KCNJ6: variants seen among roughly 807,000 people sequenced by gnomAD.
The protein encoded by KCNJ6 is G protein-activated inward rectifier potassium channel 2.
KCNJ6 carries 9 observed loss-of-function variants against 34.2 expected under a neutral mutation model. The observed-to-expected ratio is 0.26, with a 90% confidence interval of 0.16 to 0.46. The LOEUF is 0.46. KCNJ6 is among the 20% of genes least tolerant of loss of function. The pLI is 1.00. For missense variants in KCNJ6, 236 were observed against 531.3 expected, an observed-to-expected ratio of 0.44 and a Z score of 5.46; for synonymous variants, 196 against 207.1, an observed-to-expected ratio of 0.95 and a Z score of 0.46.
chr21:37,892,528 G>A (rs2055767131), intron 1 of KCNJ6, among the ~76,000 whole-genome samples: 1 of 152,162 alleles, frequency 6.6e-6, no homozygotes, highest in East Asian at 1.9e-4. Context: ...GGAAATTTGG[G>A]ATACCTTTGG....
Position 37,728,546 on chromosome 21 carries a change from A to T in KCNJ6, c.26-13415T>A, listed in dbSNP as rs1264530966. Among the ~76,000 whole-genome samples, 4 of 152,228 alleles carry T rather than the reference A, an allele frequency of 2.6e-5. No individual in the cohort carries two copies. In the East Asian group the frequency reaches 7.7e-4, roughly 29 times the overall value. ...CAGCTTGTGACTGCATTCTTGTCTC[A>T]TTGCAGGAAGAGCTTACAAAGAGCT... On this transcript the variant is annotated intron_variant, in intron 2 of 3. Coordinates refer to ENST00000609713, the MANE Select transcript of KCNJ6 (RefSeq NM_002240.5).
At chr21:37,632,290 A>C (rs1025609954) in intron 3 of KCNJ6, among the ~76,000 whole-genome samples, 3 of 130,388 alleles carry the variant, frequency 2.3e-5, no homozygotes, top group African/African-American at 7.7e-5. Flanking sequence ...TCTAAATGTC[A>C]AAGAAGAAAC....
intron 3 of KCNJ6, among the ~76,000 whole-genome samples, chr21:37,707,995 C>T (rs1160142419): frequency 6.6e-6 from 1 of 152,022 alleles, no homozygotes; most frequent in African/African-American, 2.4e-5. Flanking sequence ...AGATGCTAGT[C>T]CAATTTTGTC....
chr21:37,886,262 G>A (rs2055735032), intron 1 of KCNJ6, among the ~76,000 whole-genome samples: 1 of 152,146 alleles, frequency 6.6e-6, no homozygotes, highest in East Asian at 1.9e-4. Flanking sequence ...CTCTGCACCA[G>A]AGGCCTGGGT....
intron 3 of KCNJ6, among the ~76,000 whole-genome samples, chr21:37,666,094 T>TG (rs1327074619): frequency 6.6e-6 from 1 of 152,192 alleles, no homozygotes; most frequent in East Asian, 1.9e-4. Context: ...TTAGAAGACA[T>TG]GGCTTGCACA....
At chr21:37,648,869 T>C (rs577805453) in intron 3 of KCNJ6, among the ~76,000 whole-genome samples, 454 of 152,196 alleles carry the variant, frequency 3.0e-3, no homozygotes, top group Non-Finnish European at 4.9e-3. Context: ...CGGTGGCTCA[T>C]GCCTGTAATC....
chr21:37,741,331 T>C (rs1241691494), intron 2 of KCNJ6, among the ~76,000 whole-genome samples: 2 of 152,166 alleles, frequency 1.3e-5, no homozygotes, highest in South Asian at 4.2e-4. Flanking sequence ...TGGTCTCTCA[T>C]GTCCTCTGGC....
At chr21:37,640,000 C>A (rs967284199) in intron 3 of KCNJ6, among the ~76,000 whole-genome samples, 1 of 152,210 alleles carries the variant, frequency 6.6e-6, no homozygotes, top group Non-Finnish European at 1.5e-5. Context: ...AATTAAACCT[C>A]TTTTCTTTAT....
intron 2 of KCNJ6, among the ~76,000 whole-genome samples, chr21:37,799,003 G>A (rs146545985): frequency 1.4e-4 from 22 of 152,102 alleles, no homozygotes; most frequent in Admixed American, 2.6e-4. Context: ...TTGTTGTACC[G>A]AATATTTTGT....
intron 1 of KCNJ6, among the ~76,000 whole-genome samples, chr21:37,897,586 A>G (rs185085538): frequency 1.3e-4 from 20 of 152,160 alleles, no homozygotes; most frequent in African/African-American, 4.6e-4. Flanking sequence ...CCATTTCCCC[A>G]AAGCAGACCT....
At chr21:37,856,789 C>G (rs1309566463) in intron 1 of KCNJ6, among the ~76,000 whole-genome samples, 1 of 152,106 alleles carries the variant, frequency 6.6e-6, no homozygotes, top group Non-Finnish European at 1.5e-5. Context: ...TGAGTGTAAA[C>G]TGCTTCCCCT....
chr21:37,911,426 C>G (rs1040701596), intron 1 of KCNJ6, among the ~76,000 whole-genome samples: 2 of 152,126 alleles, frequency 1.3e-5, no homozygotes, highest in Non-Finnish European at 2.9e-5. Flanking sequence ...AATCAATTAT[C>G]TTTTGGTACT....
chr21:37,721,626 G>C (rs563167107), intron 2 of KCNJ6, among the ~76,000 whole-genome samples: 2 of 152,328 alleles, frequency 1.3e-5, no homozygotes, highest in African/African-American at 4.8e-5. Flanking sequence ...TACAACATGG[G>C]TGAACCTTGA....
rs143745291 is a variant in KCNJ6 at position 37,705,176 on chromosome 21, C to T, written c.946+9035G>A. 3.2e-3 allele frequency among the ~76,000 whole-genome samples: 493 copies of T among 152,184 alleles called. 1 individual carries two copies. The highest frequency in any genetic ancestry group is 0.011 in the African/African-American group (469 of 41,504). On this transcript the variant is annotated intron_variant, in intron 3 of 3. Coordinates refer to ENST00000609713, the MANE Select transcript of KCNJ6 (RefSeq NM_002240.5). ...ATAGTTGTCGGTGCATTAATGAACT[C>T]GAATCAATAACCACTATCTTGGAGC...
intron 2 of KCNJ6, among the ~76,000 whole-genome samples, chr21:37,728,151 T>C (rs2054865067): frequency 6.6e-6 from 1 of 152,214 alleles, no homozygotes; most frequent in Non-Finnish European, 1.5e-5. Flanking sequence ...TAACACATGC[T>C]CCCACATGGG....
At chr21:37,702,501 T>C (rs1057380622) in intron 3 of KCNJ6, among the ~76,000 whole-genome samples, 1 of 152,132 alleles carries the variant, frequency 6.6e-6, no homozygotes, top group Non-Finnish European at 1.5e-5. Context: ...CTGGGGAAGA[T>C]GAAGAGCCGA....
intron 2 of KCNJ6, among the ~76,000 whole-genome samples, chr21:37,799,617 T>A (rs553222676): frequency 1.3e-5 from 2 of 152,276 alleles, no homozygotes; most frequent in African/African-American, 4.8e-5. Context: ...TGTGAATAAA[T>A]CAGATATTCC....
intron 1 of KCNJ6, among the ~76,000 whole-genome samples, chr21:37,862,433 C>T (rs528617031): frequency 5.3e-5 from 8 of 152,312 alleles, no homozygotes; most frequent in African/African-American, 1.9e-4. Flanking sequence ...CTGTGAGGAC[C>T]AAGTATCTAG....
At chr21:37,773,596 T>C (rs2055128262) in intron 2 of KCNJ6, among the ~76,000 whole-genome samples, 2 of 152,054 alleles carry the variant, frequency 1.3e-5, no homozygotes, top group African/African-American at 4.8e-5. Flanking sequence ...AATTGTCGAC[T>C]TCTGTTTGTA....
Sources: gnomAD v4.1 joint callset for allele counts (sites outside exome capture counted in the v4.1 genomes callset) on GRCh38, gnomAD v4.1.1 for gene constraint, MANE v1.5 for transcripts, NCBI Gene and HGNC (gene_info 2026-07-23, HGNC 2026-07-21) for gene names.